FSTL5: variants seen among roughly 807,000 people sequenced by gnomAD.
The protein encoded by FSTL5 is follistatin-related protein 5.
A neutral mutation model predicts 89.1 loss-of-function variants in FSTL5; 62 were observed. The ratio of observed to expected loss-of-function variants is 0.70; its 90% confidence interval spans 0.57 to 0.86. The LOEUF (loss-of-function observed/expected upper bound fraction) is 0.86. Among genes scored for constraint, FSTL5 ranks in the 40% least tolerant of loss-of-function variants. The probability of loss-of-function intolerance (pLI) is 0.00; values close to 1 mark genes in which losing one functional copy is unlikely to be tolerated. For synonymous variants in FSTL5, 383 were observed against 346.2 expected (o/e 1.11, Z -1.18); for missense variants, 1,057 against 1,001.6 (o/e 1.06, Z -0.75).
At chr4:161,500,750 T>C (rs1218174944) in intron 11 of FSTL5, among the ~76,000 whole-genome samples, 2 of 152,174 alleles carry the variant, frequency 1.3e-5, no homozygotes, top group Middle Eastern at 3.2e-3. Context: ...AATCTTAATT[T>C]AATGTTTAAA....
chr4:162,153,823 T>A (rs1277756032), intron 1 of FSTL5, among the ~76,000 whole-genome samples: 3 of 148,256 alleles, frequency 2.0e-5, no homozygotes, highest in African/African-American at 7.4e-5. Flanking sequence ...ATATTTATTT[T>A]AGACGGACTT....
At chr4:161,868,323 A>T (rs1732156456) in intron 4 of FSTL5, among the ~76,000 whole-genome samples, 1 of 152,092 alleles carries the variant, frequency 6.6e-6, no homozygotes, top group Admixed American at 6.5e-5. Context: ...GTACTAATCA[A>T]ATAGCCAAGA....
intron 4 of FSTL5, among the ~76,000 whole-genome samples, chr4:161,844,745 A>G (rs2126874900): frequency 6.6e-6 from 1 of 152,250 alleles, no homozygotes; most frequent in African/African-American, 2.4e-5. Flanking sequence ...GCAAATGAGA[A>G]CACATGGACA....
chr4:161,917,587 C>T lies in FSTL5; in HGVS notation c.409+2817G>A, dbSNP rs189692892. 5.2e-3 allele frequency among the ~76,000 whole-genome samples: 795 copies of T among 152,070 alleles called. 6 individuals carry two copies. Among genetic ancestry groups the T allele is most frequent in the African/African-American group, 0.018 (757 of 41,480 alleles). On this transcript the variant is annotated intron_variant, in intron 4 of 15. Coordinates refer to ENST00000306100, the MANE Select transcript of FSTL5 (RefSeq NM_020116.5). ...TTTCCTGTTTTATTTCCACTGTTTG[C>T]GTATATATTTAGTTCTACTTAATTT...
chr4:161,855,200 A>G (rs1731685724), intron 4 of FSTL5, among the ~76,000 whole-genome samples: 1 of 152,062 alleles, frequency 6.6e-6, no homozygotes, highest in East Asian at 1.9e-4. Context: ...ATAAAAATTA[A>G]GATTAGCAAA....
intron 6 of FSTL5, among the ~76,000 whole-genome samples, chr4:161,666,889 G>A (rs1736916940): frequency 1.3e-5 from 2 of 152,056 alleles, no homozygotes; most frequent in Non-Finnish European, 2.9e-5. Context: ...TTCCTATGCT[G>A]TTAGTGAGAT....
rs75057407 is a variant in FSTL5 at position 161,407,246 on chromosome 4, C to T, written c.1842-20797G>A. 9.7e-3 allele frequency among the ~76,000 whole-genome samples: 1,470 copies of T among 152,254 alleles called. 27 individuals carry two copies. The highest frequency in any genetic ancestry group is 0.034 in the African/African-American group (1,397 of 41,546). ...AGAATCTCCTTGGAGAAGGAGGCCA[C>T]GTGATGGTCTAGCAGATACACTATA... On this transcript the variant is annotated intron_variant, in intron 15 of 15. Transcript: ENST00000306100.
At chr4:161,454,689 G>A (rs1307841773) in intron 15 of FSTL5, among the ~76,000 whole-genome samples, 1 of 152,148 alleles carries the variant, frequency 6.6e-6, no homozygotes, top group Non-Finnish European at 1.5e-5. Flanking sequence ...TGGGGGAAAT[G>A]CCAGCATTTT....
intron 3 of FSTL5, among the ~76,000 whole-genome samples, chr4:161,946,434 TC>T (rs1478456632): frequency 2.0e-5 from 3 of 152,176 alleles, no homozygotes; most frequent in African/African-American, 7.2e-5. Flanking sequence ...CATAAATTAT[TC>T]TTATTCTTAC....
intron 6 of FSTL5, among the ~76,000 whole-genome samples, chr4:161,726,227 C>CTTTTTTTTTTTTT (rs5863477): frequency 7.9e-5 from 9 of 113,678 alleles, no homozygotes; most frequent in Admixed American, 2.2e-4. Flanking sequence ...TTTTCTTTTT[C>CTTTTTTTTTTTTT]TTTTTTTTTT....
chr4:161,917,111 C>G (rs1026421994), intron 4 of FSTL5, among the ~76,000 whole-genome samples: 2 of 152,100 alleles, frequency 1.3e-5, no homozygotes, highest in Non-Finnish European at 2.9e-5. Flanking sequence ...TGCCACCACA[C>G]CTGACTAATT....
chr4:162,108,415 C>G (rs1416899564), intron 2 of FSTL5, among the ~76,000 whole-genome samples: 1 of 151,866 alleles, frequency 6.6e-6, no homozygotes, highest in Non-Finnish European at 1.5e-5. Context: ...AAAATGAGCT[C>G]TATATATCTC....
At chr4:161,442,899 G>A (rs1481605082) in intron 15 of FSTL5, among the ~76,000 whole-genome samples, 2 of 151,902 alleles carry the variant, frequency 1.3e-5, no homozygotes, top group East Asian at 3.9e-4. Flanking sequence ...AAAGCCAGAT[G>A]GAATTTGGGG....
At chr4:161,532,014 T>G (rs970802054) in intron 10 of FSTL5, among the ~76,000 whole-genome samples, 2 of 151,666 alleles carry the variant, frequency 1.3e-5, no homozygotes, top group Non-Finnish European at 2.9e-5. Context: ...ACCACCCTGG[T>G]TAACATGGTG....
At chr4:161,520,731 G>C (rs1342181930) in intron 10 of FSTL5, among the ~76,000 whole-genome samples, 1 of 152,094 alleles carries the variant, frequency 6.6e-6, no homozygotes, top group Admixed American at 6.5e-5. Flanking sequence ...AGAAATCTGA[G>C]TTATGCAGTA....
intron 8 of FSTL5, among the ~76,000 whole-genome samples, chr4:161,568,065 C>T (rs546868029): frequency 3.0e-4 from 46 of 151,592 alleles, no homozygotes; most frequent in African/African-American, 1.0e-3. Context: ...GCTCTGTCTC[C>T]GTGTGCTGAA....
At chr4:161,620,354 A>G (rs1347104618) in intron 7 of FSTL5, among the ~76,000 whole-genome samples, 2 of 152,280 alleles carry the variant, frequency 1.3e-5, no homozygotes, top group Non-Finnish European at 2.9e-5. Flanking sequence ...ATTTAAAAGA[A>G]AAAAGAAATG....
intron 6 of FSTL5, among the ~76,000 whole-genome samples, chr4:161,720,152 T>C (rs1232705488): frequency 6.6e-6 from 1 of 151,520 alleles, no homozygotes; most frequent in Admixed American, 6.6e-5. Flanking sequence ...AAACCCATAG[T>C]TGATAAAATG....
chr4:161,968,836 T>C (rs969613280), intron 3 of FSTL5, among the ~76,000 whole-genome samples: 1 of 151,984 alleles, frequency 6.6e-6, no homozygotes, highest in African/African-American at 2.4e-5. Context: ...TATTCATCTT[T>C]TTGGACATTA....
Sources: allele counts gnomAD v4.1 joint callset (sites outside exome capture counted in the v4.1 genomes callset), GRCh38; gene constraint gnomAD v4.1.1; transcripts MANE v1.5; gene names NCBI Gene and HGNC (gene_info 2026-07-23, HGNC 2026-07-21).